The following ANXA3 variants were observed in gnomAD, a reference collection of about 807,000 sequenced individuals.
ANXA3 encodes 35-alpha calcimedin.
In ANXA3, 46 loss-of-function variants were observed where a neutral mutation model predicts 48.8. That is an observed-to-expected ratio of 0.94 (90% CI 0.74 to 1.21). The LOEUF (loss-of-function observed/expected upper bound fraction) is 1.21, where lower values mean the gene tolerates loss of function less well. ANXA3 is among the 50% of genes most tolerant of loss of function. The pLI is 0.00. For missense variants in ANXA3, 383 were observed against 378.6 expected, an observed-to-expected ratio of 1.01 and a Z score of -0.10; for synonymous variants, 128 against 134.7, an observed-to-expected ratio of 0.95 and a Z score of 0.35.
chr4:78,573,342 C>A, intron 3 of ANXA3, 75 bp downstream of exon 3: 1 of 1,070,560 alleles, frequency 9.3e-7, no homozygotes, highest in African/African-American at 1.6e-5. Context: ...GTTCAGTTTG[C>A]TCAGATTGGC....
chr4:78,561,896 T>G (rs1186031153), intron 2 of ANXA3, among the ~76,000 whole-genome samples: 1 of 152,172 alleles, frequency 6.6e-6, no homozygotes, highest in Non-Finnish European at 1.5e-5. Flanking sequence ...ATCAAAACAT[T>G]TAAGCTTTGT....
chr4:78,600,645 T>C (rs1360804288), intron 10 of ANXA3, among the ~76,000 whole-genome samples: 1 of 152,218 alleles, frequency 6.6e-6, no homozygotes, highest in Non-Finnish European at 1.5e-5. Context: ...GTCTTTTAGC[T>C]TTCCTTAAGA....
chr4:78,557,036 G>T (rs1224913715), intron 2 of ANXA3, among the ~76,000 whole-genome samples: 2 of 152,208 alleles, frequency 1.3e-5, no homozygotes, highest in Non-Finnish European at 2.9e-5. Context: ...AAATGAAGGT[G>T]TTGTTGGGAC....
intron 10 of ANXA3, among the ~76,000 whole-genome samples, chr4:78,597,826 C>T (rs1166505271): frequency 6.6e-6 from 1 of 152,034 alleles, no homozygotes. Flanking sequence ...GTTGCCCAGG[C>T]TGGTCGTGAA....
rs142127021 is a variant in ANXA3, at chr4:78,559,645, A to C, written c.15+5157A>C. On this transcript the variant is annotated intron_variant, in intron 2 of 12. Coordinates refer to ENST00000264908, the MANE Select transcript of ANXA3 (RefSeq NM_005139.3). ...TAAAGCAGCAAGTACCTAGTGCGAC[A>C]GGCTCTGCTGGGAGCAGAATGAAGA... Among the ~76,000 whole-genome samples the C allele has an allele frequency of 5.3e-3, 806 of 152,362 alleles. 7 individuals are homozygous for C. The highest frequency in any genetic ancestry group is 7.9e-3 in the Non-Finnish European group (536 of 68,036).
chr4:78,587,414 G>A (rs575741544), intron 6 of ANXA3, among the ~76,000 whole-genome samples: 22 of 152,298 alleles, frequency 1.4e-4, no homozygotes, highest in African/African-American at 1.9e-4. Context: ...GACCAACCAT[G>A]AATAACAAGG....
At chr4:78,553,461 T>G (rs1326176004) in intron 1 of ANXA3, among the ~76,000 whole-genome samples, 1 of 152,158 alleles carries the variant, frequency 6.6e-6, no homozygotes, top group Non-Finnish European at 1.5e-5. Flanking sequence ...GATGAGGAAA[T>G]TGAGGCCCAA....
chr4:78,574,002 G>A (rs752868389), intron 3 of ANXA3, among the ~76,000 whole-genome samples: 1 of 152,142 alleles, frequency 6.6e-6, no homozygotes, highest in Non-Finnish European at 1.5e-5. Flanking sequence ...CCTTTTGCTA[G>A]TCATGTGAAA....
chr4:78,589,343 G>T lies in ANXA3; in HGVS notation c.404-2201G>T, dbSNP rs565697389. ...CTACAAAGGATACAACTGCATCAAG[G>T]TTACCTTGGTTACTAGAGATTAATG... On this transcript the variant is annotated intron_variant, in intron 6 of 12. Coordinates refer to ENST00000264908, the MANE Select transcript of ANXA3 (RefSeq NM_005139.3). 6.6e-5 allele frequency among the ~76,000 whole-genome samples: 10 copies of T among 152,284 alleles called. No individual in the cohort carries two copies. In the East Asian group the frequency reaches 1.2e-3, roughly 18 times the overall value.
intron 12 of ANXA3, 35 bp downstream of exon 12, chr4:78,604,434 TGCCC>T (rs761469746): frequency 8.8e-6 from 14 of 1,589,540 alleles, no homozygotes; most frequent in African/African-American, 1.3e-5. Flanking sequence ...AAACATATTT[TGCCC>T]TTCTCTACCC....
At chr4:78,567,103 A>G (rs1671214273) in intron 2 of ANXA3, among the ~76,000 whole-genome samples, 1 of 152,206 alleles carries the variant, frequency 6.6e-6, no homozygotes, top group Non-Finnish European at 1.5e-5. Context: ...ATTGCCAGCC[A>G]GTGGCACTTC....
chr4:78,561,706 A>G (rs1231126849), intron 2 of ANXA3, among the ~76,000 whole-genome samples: 1 of 152,088 alleles, frequency 6.6e-6, no homozygotes, highest in African/African-American at 2.4e-5. Flanking sequence ...TTTCACTGAA[A>G]GAGACTTTTC....
At chr4:78,603,823 T>C (rs1211531151) in intron 11 of ANXA3, 1 of 152,450 alleles carries the variant, frequency 6.6e-6, no homozygotes, top group African/African-American at 2.4e-5. Flanking sequence ...TCACGCCTGC[T>C]ATTTCCTCTA....
rs1453083466 is a variant in ANXA3 at position 78,563,671 on chromosome 4, AGACACCCAGTTT to A, written c.15+9185_15+9196del. 5.9e-5 allele frequency among the ~76,000 whole-genome samples: 9 copies of A among 152,294 alleles called. No homozygotes were observed. The East Asian group carries it at 9.6e-4, about 16-fold the overall frequency. ...GAGAAATAAATTTTTATTATTTATA[AGACACCCAGTTT>A]GTGGTATTTTGTTATATCAGCCTGG... is the stretch of plus-strand genomic sequence containing the variant. On this transcript the variant is annotated intron_variant, in intron 2 of 12. Transcript: ENST00000264908.
chr4:78,605,583 G>A (rs1723629600), intron 12 of ANXA3, among the ~76,000 whole-genome samples: 1 of 152,078 alleles, frequency 6.6e-6, no homozygotes, highest in Non-Finnish European at 1.5e-5. Context: ...CCAAGCAGAG[G>A]TTGCACATCT....
At chr4:78,591,987 GAATA>G (rs1352280154) in intron 7 of ANXA3, among the ~76,000 whole-genome samples, 2 of 152,072 alleles carry the variant, frequency 1.3e-5, no homozygotes, top group Admixed American at 1.3e-4. Context: ...GGACTCTGAA[GAATA>G]AATATTTCTT....
intron 12 of ANXA3, among the ~76,000 whole-genome samples, chr4:78,604,824 T>C (rs116478539): frequency 0.011 from 1,603 of 152,334 alleles, 25 homozygotes; most frequent in African/African-American, 0.033. Flanking sequence ...TAGGAAACTT[T>C]CTCATTTTAT....
intron 2 of ANXA3, chr4:78,571,069 T>TGACACAATCACAGCTCACTGCAGC (rs1362051196): frequency 1.3e-5 from 2 of 152,292 alleles, no homozygotes; most frequent in East Asian, 3.9e-4. Flanking sequence ...TACAGTGCAG[T>TGACACAATCACAGCTCACTGCAGC]GACACAATCA....
intron 6 of ANXA3, among the ~76,000 whole-genome samples, chr4:78,590,247 C>A (rs941939649): frequency 1.3e-5 from 2 of 152,014 alleles, no homozygotes; most frequent in Admixed American, 1.3e-4. Context: ...AATATCACAA[C>A]CATTAGGTTT....
Sources: allele counts gnomAD v4.1 joint callset (sites outside exome capture counted in the v4.1 genomes callset), GRCh38; gene constraint gnomAD v4.1.1; transcripts MANE v1.5; gene names NCBI Gene and HGNC (gene_info 2026-07-23, HGNC 2026-07-21).